Variants in SMAD3 observed in about 807,000 individuals in gnomAD.
SMAD3 encodes MAD homolog 3.
SMAD3 carries 12 observed loss-of-function variants against 51.8 expected under a neutral mutation model. The ratio of observed to expected loss-of-function variants is 0.23; its 90% confidence interval spans 0.15 to 0.38. The LOEUF (loss-of-function observed/expected upper bound fraction) is 0.38. SMAD3 is among the 10% of genes least tolerant of loss of function. SMAD3 has a pLI of 1.00. For missense variants in SMAD3, 294 were observed against 565.6 expected (o/e 0.52, Z 4.87); for synonymous variants, 238 against 227.7 (o/e 1.05, Z -0.41).
intron 1 of SMAD3, among the ~76,000 whole-genome samples, chr15:67,073,664 C>CATTTT (rs66935117): frequency 2.6e-5 from 4 of 151,066 alleles, no homozygotes; most frequent in African/African-American, 4.9e-5. Context: ...TTCATACAAG[C>CATTTT]ATTTTATTTT....
chr15:67,145,549 C>T (rs184771278), intron 1 of SMAD3, among the ~76,000 whole-genome samples: 5 of 152,246 alleles, frequency 3.3e-5, no homozygotes, highest in East Asian at 1.9e-4. Context: ...CCAGTAATAA[C>T]GTTAAAATTC....
intron 1 of SMAD3, among the ~76,000 whole-genome samples, chr15:67,081,184 C>T (rs919427141): frequency 4.6e-5 from 7 of 152,148 alleles, no homozygotes; most frequent in Non-Finnish European, 8.8e-5. Context: ...CTTTTGCTAC[C>T]CCACAGACAC....
At chr15:67,069,881 T>A (rs998332591) in intron 1 of SMAD3, among the ~76,000 whole-genome samples, 1 of 152,158 alleles carries the variant, frequency 6.6e-6, no homozygotes, top group Admixed American at 6.5e-5. Context: ...AATTTTTGTA[T>A]TTTTAGTAGA....
chr15:67,152,418 C>CA (rs1566986842), intron 1 of SMAD3, among the ~76,000 whole-genome samples: 3 of 152,168 alleles, frequency 2.0e-5, no homozygotes, highest in African/African-American at 7.2e-5. Context: ...GCGAGAGGCC[C>CA]AGATCACCCA....
chr15:67,154,124 C>T (rs1433544196), intron 1 of SMAD3, among the ~76,000 whole-genome samples: 1 of 152,122 alleles, frequency 6.6e-6, no homozygotes, highest in East Asian at 1.9e-4. Flanking sequence ...GGACCTGAGC[C>T]GGCTGCTCTG....
At chr15:67,183,491 C>T (rs1489436474) in intron 6 of SMAD3, among the ~76,000 whole-genome samples, 1 of 152,120 alleles carries the variant, frequency 6.6e-6, no homozygotes, top group Non-Finnish European at 1.5e-5. Context: ...CAGCACCCTG[C>T]AGAACTAAAG....
chr15:67,127,243 G>T (rs1269354790), intron 1 of SMAD3, among the ~76,000 whole-genome samples: 1 of 152,220 alleles, frequency 6.6e-6, no homozygotes, highest in Non-Finnish European at 1.5e-5. Context: ...GGTCGAATGT[G>T]AACTGTCTAC....
At position 67,193,204 on chromosome 15, in the gene SMAD3, A is replaced by G. The variant is rs1963409430; in HGVS notation, c.*2668A>G. On this transcript the variant is annotated 3_prime_UTR_variant, in exon 9 of 9. Coordinates refer to ENST00000327367, the MANE Select transcript of SMAD3 (RefSeq NM_005902.4). ...TTTTAAAGGACAGTTGAAAAGGGCA[A>G]GAGGAAACCAGGGCAGTTCTAGAGG... is the stretch of plus-strand genomic sequence containing the variant. 4.3e-6 allele frequency: 1 copy of G among 233,352 alleles called. No individual in the cohort carries two copies. The highest frequency in any genetic ancestry group is 5.6e-5 in the Admixed American group (1 of 17,788). The allele number at this position is 233,352 out of a possible 1,614,324, so 14.5% of individuals were successfully genotyped here.
intron 1 of SMAD3, among the ~76,000 whole-genome samples, chr15:67,110,033 T>C (rs1201571088): frequency 6.6e-6 from 1 of 152,190 alleles, no homozygotes; most frequent in Admixed American, 6.5e-5. Flanking sequence ...CCAAGAAGAA[T>C]GTTTGCCTTT....
In SMAD3 at chr15:67,152,994, T is replaced by A. The variant is rs148656664; in HGVS notation, c.207-11901T>A. Among the ~76,000 whole-genome samples the A allele has an allele frequency of 6.4e-3, 971 of 152,298 alleles. 31 individuals carry two copies. Among genetic ancestry groups the A allele is most frequent in the Admixed American group, 0.055 (837 of 15,294 alleles). On this transcript the variant is annotated intron_variant, in intron 1 of 8. Transcript: ENST00000327367. Reference sequence around the variant, plus strand: ...GATTTAAACCCAGTGTGCTTTGTAGTCATAGAGAACTGAGTTTGGAGTGTA... The same window carrying A: ...GATTTAAACCCAGTGTGCTTTGTAGACATAGAGAACTGAGTTTGGAGTGTA...
intron 3 of SMAD3, chr15:67,166,065 C>T (rs941772231): frequency 6.1e-5 from 29 of 473,622 alleles, no homozygotes; most frequent in Non-Finnish European, 7.0e-5. Context: ...TTGGACGTGA[C>T]GTTCATCCTG....
intron 1 of SMAD3, among the ~76,000 whole-genome samples, chr15:67,089,224 C>G (rs1960460273): frequency 6.6e-6 from 1 of 152,182 alleles, no homozygotes; most frequent in African/African-American, 2.4e-5. Context: ...CCAGATATAC[C>G]TCCTCCATCT....
At chr15:67,185,627 C>G (rs78427515) in intron 7 of SMAD3, among the ~76,000 whole-genome samples, 2,167 of 152,290 alleles carry the variant, frequency 0.014, 71 homozygotes, top group African/African-American at 0.05. Context: ...CTGAGTGAGC[C>G]TGAAAAATCC....
At chr15:67,120,792 G>T (rs77081094) in intron 1 of SMAD3, among the ~76,000 whole-genome samples, 2 of 152,324 alleles carry the variant, frequency 1.3e-5, no homozygotes, top group East Asian at 3.9e-4. Context: ...GCCGCATGTA[G>T]CCCAGGAGAG....
chr15:67,179,769 G>A (rs577980285), intron 5 of SMAD3, among the ~76,000 whole-genome samples: 3 of 152,092 alleles, frequency 2.0e-5, no homozygotes, highest in Non-Finnish European at 4.4e-5. Context: ...CCTCCTAGAC[G>A]TTGCCTGGCA....
At chr15:67,075,715 G>T (rs1376945284) in intron 1 of SMAD3, among the ~76,000 whole-genome samples, 1 of 152,116 alleles carries the variant, frequency 6.6e-6, no homozygotes, top group South Asian at 2.1e-4. Flanking sequence ...AAGAGTTTGA[G>T]ACCAGCCTGA....
Position 67,164,785 on chromosome 15 carries a change from A to G in SMAD3, c.207-110A>G. On this transcript the variant is annotated intron_variant, in intron 1 of 8. Transcript: ENST00000327367. The stretch of plus-strand genomic sequence containing the variant: ...CTCCTGGACCTCTGGATCTGGGAGA[A>G]ATGAGGGGAGAGAGAGCTTTCCAAG... 3 of 1,132,370 alleles carry G rather than the reference A, an allele frequency of 2.6e-6. No individual in the cohort carries two copies. In the South Asian group the frequency reaches 3.7e-5, roughly 14 times the overall value. 70.1% of individuals were successfully genotyped at this position (1,132,370 alleles called of 1,614,324 possible).
chr15:67,120,256 T>C (rs1400107503), intron 1 of SMAD3, among the ~76,000 whole-genome samples: 2 of 152,186 alleles, frequency 1.3e-5, no homozygotes, highest in African/African-American at 4.8e-5. Flanking sequence ...GACTTTGCCC[T>C]GGGCTGCTTA....
intron 5 of SMAD3, chr15:67,174,335 T>A (rs1962832421): frequency 6.6e-6 from 1 of 152,200 alleles, no homozygotes; most frequent in Non-Finnish European, 1.5e-5. Context: ...ATGGATTTAG[T>A]GGAGAGGCCG....
Sources: gnomAD v4.1 joint callset for allele counts (sites outside exome capture counted in the v4.1 genomes callset) on GRCh38, gnomAD v4.1.1 for gene constraint, MANE v1.5 for transcripts, NCBI Gene and HGNC (gene_info 2026-07-23, HGNC 2026-07-21) for gene names.